Variants in NTF3 observed in about 807,000 individuals in gnomAD.
NTF3 encodes neurotrophin-3.
NTF3 carries 8 observed loss-of-function variants against 26.3 expected under a neutral mutation model. The observed-to-expected ratio is 0.30, with a 90% CI of 0.18 to 0.55. NTF3 has a LOEUF of 0.55. Among genes scored for constraint, NTF3 ranks in the 20% least tolerant of loss-of-function variants. The pLI, the probability that NTF3 is intolerant of heterozygous loss-of-function variation, is 0.93. For synonymous variants in NTF3, 154 were observed against 145.5 expected, an observed-to-expected ratio of 1.06 and a Z score of -0.42; for missense variants, 276 against 352.9, an observed-to-expected ratio of 0.78 and a Z score of 1.75.
At chr12:5,489,400 G>A (rs752382853) in intron 1 of NTF3, among the ~76,000 whole-genome samples, 5 of 152,274 alleles carry the variant, frequency 3.3e-5, no homozygotes, top group East Asian at 1.9e-4. Context: ...AGAGGCAGCC[G>A]AGTGTCATCA....
At chr12:5,445,057 A>G (rs1021172650) in intron 1 of NTF3, among the ~76,000 whole-genome samples, 1 of 152,206 alleles carries the variant, frequency 6.6e-6, no homozygotes, top group Admixed American at 6.5e-5. Flanking sequence ...ATGCATTTCC[A>G]TCCTAATTTG....
intron 1 of NTF3, among the ~76,000 whole-genome samples, chr12:5,454,567 TAGTC>T (rs1426480430): frequency 3.3e-5 from 5 of 152,240 alleles, no homozygotes; most frequent in South Asian, 2.1e-4. Flanking sequence ...TGCTAACACA[TAGTC>T]AGTTCTCTTT....
chr12:5,438,399 A>G (rs1940198748), intron 1 of NTF3, among the ~76,000 whole-genome samples: 1 of 152,190 alleles, frequency 6.6e-6, no homozygotes, highest in African/African-American at 2.4e-5. Flanking sequence ...ATTGGGAACT[A>G]CGGAGAGCTT....
At position 5,456,122 on chromosome 12, in the gene NTF3, G is replaced by T. The variant is rs1404944181; in HGVS notation, c.18+23780G>T. ...GCTGTCAGTCGTCAGCTGAGGTTGAGCTTTCCTTAGCAGGAGCACTGGTCA... is the reference window on the plus strand; with the variant it reads ...GCTGTCAGTCGTCAGCTGAGGTTGATCTTTCCTTAGCAGGAGCACTGGTCA... On this transcript the variant is annotated intron_variant, in intron 1 of 1. Transcript: ENST00000423158. This position sits in a 1 kb window ranked among gnomAD's most constrained non-coding sequence, Gnocchi z 4.4. Among the ~76,000 whole-genome samples, 1 of 152,214 alleles carries T rather than the reference G, an allele frequency of 6.6e-6. No individual in the cohort carries two copies. Among genetic ancestry groups the T allele is most frequent in the Non-Finnish European group, 1.5e-5 (1 of 68,036 alleles).
intron 1 of NTF3, among the ~76,000 whole-genome samples, chr12:5,435,933 G>A (rs1196450035): frequency 6.6e-6 from 1 of 152,146 alleles, no homozygotes; most frequent in African/African-American, 2.4e-5. Flanking sequence ...TGTGAAGGGG[G>A]TGCCAGTATG....
chr12:5,480,903 A>G (rs1591605054), intron 1 of NTF3, among the ~76,000 whole-genome samples: 4 of 152,190 alleles, frequency 2.6e-5, no homozygotes, highest in African/African-American at 7.2e-5. Context: ...TGAGAAATGC[A>G]AACTTGACCC....
intron 1 of NTF3, among the ~76,000 whole-genome samples, chr12:5,473,394 A>G (rs73034404): frequency 0.19 from 28,576 of 152,242 alleles, 2,866 homozygotes; most frequent in Middle Eastern, 0.24. Context: ...AAGCCCTCCC[A>G]GAGCCTTGTC....
intron 1 of NTF3, among the ~76,000 whole-genome samples, chr12:5,445,338 T>TGTG (rs1940292622): frequency 7.4e-6 from 1 of 135,852 alleles, no homozygotes; most frequent in African/African-American, 2.9e-5. Flanking sequence ...GTGTGTGTGT[T>TGTG]TAAAGTTTTA....
intron 1 of NTF3, among the ~76,000 whole-genome samples, chr12:5,457,980 G>A (rs11063689): frequency 0.27 from 41,411 of 151,784 alleles, 6,269 homozygotes; most frequent in East Asian, 0.51. Context: ...AACCACCATT[G>A]TCTCTTGCCA....
At chr12:5,493,593 T>C (rs1259150061) in intron 1 of NTF3, among the ~76,000 whole-genome samples, 1 of 152,116 alleles carries the variant, frequency 6.6e-6, no homozygotes, top group East Asian at 1.9e-4. Context: ...GAGTGGGTAG[T>C]GGCCCTACAT....
chr12:5,436,538 G>A (rs1420823379), intron 1 of NTF3, among the ~76,000 whole-genome samples: 1 of 152,160 alleles, frequency 6.6e-6, no homozygotes, highest in Non-Finnish European at 1.5e-5. Context: ...AATGACTCAA[G>A]GAGAAGGAAA....
Position 5,495,115 on chromosome 12 carries a change from C to A in NTF3, c.*127C>A. 9.8e-7 allele frequency: 1 copy of A among 1,025,592 alleles called. No individual in the cohort carries two copies. Among genetic ancestry groups the A allele is most frequent in the Non-Finnish European group, 1.4e-6 (1 of 705,546 alleles). The allele number at this position is 1,025,592 out of a possible 1,614,324, so 63.5% of individuals were successfully genotyped here. A position where few individuals can be genotyped will look rare whatever the true frequency, so the allele number is the denominator to read the frequency against. ...TATTTATTAAACTTCAGCAACCCTA[C>A]AGTATATAAGCTTTTTTCTCAATAA... On this transcript the variant is annotated 3_prime_UTR_variant, in exon 2 of 2. Coordinates refer to ENST00000423158, the MANE Select transcript of NTF3 (RefSeq NM_001102654.2).
intron 1 of NTF3, among the ~76,000 whole-genome samples, chr12:5,482,435 C>T (rs991316621): frequency 6.6e-5 from 10 of 152,146 alleles, no homozygotes; most frequent in Non-Finnish European, 1.3e-4. Context: ...TGATAGCACC[C>T]GCATGTTCAC....
At chr12:5,441,211 C>G (rs1179755585) in intron 1 of NTF3, among the ~76,000 whole-genome samples, 1 of 152,158 alleles carries the variant, frequency 6.6e-6, no homozygotes, top group Non-Finnish European at 1.5e-5. Context: ...CTATTAAGAG[C>G]TACTGACTTT....
rs1940099041 is a variant in NTF3, at chr12:5,432,125, C to G, written c.-200C>G. Reference sequence around the variant, plus strand: ...TTCACGGGACTCAGAGTTGAAGCTCCTCTCCCTTCCGAACAGCTCCGCGCA... The same window carrying G: ...TTCACGGGACTCAGAGTTGAAGCTCGTCTCCCTTCCGAACAGCTCCGCGCA... On this transcript the variant is annotated 5_prime_UTR_variant, in exon 1 of 2. Transcript: ENST00000423158. 1.5e-6 allele frequency: 1 copy of G among 661,440 alleles called. No homozygotes were observed. Among genetic ancestry groups the G allele is most frequent in the Admixed American group, 2.1e-5 (1 of 47,144 alleles). 41.0% of individuals were successfully genotyped at this position (661,440 alleles called of 1,614,324 possible).
rs149702826 is a variant in NTF3, at chr12:5,472,207, C to T, written c.19-21987C>T. ...CATGGAATGGATAAGAATCTCAAGG[C>T]TTGTTGGGTGAAAGAAGGGCAGTGT... On this transcript the variant is annotated intron_variant, in intron 1 of 1. Coordinates refer to ENST00000423158, the MANE Select transcript of NTF3 (RefSeq NM_001102654.2). Among the ~76,000 whole-genome samples, 83 of 152,190 alleles carry T rather than the reference C, an allele frequency of 5.5e-4. 1 individual carries two copies. Among genetic ancestry groups the T allele is most frequent in the African/African-American group, 1.9e-3 (79 of 41,512 alleles).
chr12:5,433,964 T>G lies in NTF3; in HGVS notation c.18+1622T>G, dbSNP rs1940134426. ...GCGACCTGCTTTTTAAATAAAGAGG[T>G]GCCCGCTCCTACCCCGCAAAACAGC... is the stretch of plus-strand genomic sequence containing the variant. On this transcript the variant is annotated intron_variant, in intron 1 of 1. Transcript: ENST00000423158. This position sits in a 1 kb window ranked among gnomAD's most constrained non-coding sequence, Gnocchi z 4.6. 6.6e-6 allele frequency among the ~76,000 whole-genome samples: 1 copy of G among 152,042 alleles called. No individual in the cohort carries two copies. Among genetic ancestry groups the G allele is most frequent in the African/African-American group, 2.4e-5 (1 of 41,392 alleles).
At position 5,494,689 on chromosome 12, in the gene NTF3, G is replaced by T; in HGVS notation, c.514G>T (p.Val172Leu). The change falls in exon 2 of 2, where the codon GTG becomes TTG. Residue 172 changes from valine to leucine, a missense_variant. By Grantham distance (32) the Val-to-Leu change is conservative. Coordinates refer to ENST00000423158, the MANE Select transcript of NTF3 (RefSeq NM_001102654.2). The surrounding 1 kb of genome is among the most constrained non-coding windows in gnomAD (Gnocchi z 8.3). ...GGTATGTGACAGTGAGAGTCTGTGGGTGACCGACAAGTCATCGGCCATCGA... is the reference window on the plus strand; with the variant it reads ...GGTATGTGACAGTGAGAGTCTGTGGTTGACCGACAAGTCATCGGCCATCGA... Reference protein sequence around the residue: ...YSVCDSESLWVTDKSSAIDIR... With the variant: ...YSVCDSESLWLTDKSSAIDIR... The T allele has an allele frequency of 6.2e-7, 1 of 1,614,192 alleles. No individual in the cohort carries two copies. Among genetic ancestry groups the T allele is most frequent in the South Asian group, 1.1e-5 (1 of 91,084 alleles).
In NTF3 at chr12:5,494,389, T is replaced by A. The variant is rs1195863173; in HGVS notation, c.214T>A (p.Tyr72Asn). The part of the protein sequence containing the change: ...SKQMVDVKEN[Y>N]QSTLPKAEAP... ...GCAGATGGTGGACGTTAAGGAAAAT[T>A]ACCAGAGCACCCTGCCCAAAGCTGA... The change falls in exon 2 of 2, where the codon TAC (tyrosine) becomes AAC (asparagine). Residue 72 changes from tyrosine to asparagine, a missense_variant. By Grantham distance (143) the Tyr-to-Asn change is moderately radical. Transcript: ENST00000423158. This position sits in a 1 kb window ranked among gnomAD's most constrained non-coding sequence, Gnocchi z 8.3. 6.2e-7 allele frequency: 1 copy of A among 1,613,790 alleles called. No individual in the cohort carries two copies. The highest frequency in any genetic ancestry group is 1.1e-5 in the South Asian group (1 of 91,042).
Sources: gnomAD v4.1 joint callset for allele counts (sites outside exome capture counted in the v4.1 genomes callset) on GRCh38, gnomAD v4.1.1 for gene constraint, Gnocchi (gnomAD v3.1) non-coding constraint, MANE v1.5 for transcripts, NCBI Gene and HGNC (gene_info 2026-07-23, HGNC 2026-07-21) for gene names.